The following PPP2R2B variants were observed in gnomAD, a reference collection of about 807,000 sequenced individuals.
PPP2R2B encodes the protein serine/threonine-protein phosphatase 2A 55 kDa regulatory subunit B beta isoform.
Under a neutral mutation model 46.0 loss-of-function variants are expected in PPP2R2B, and 5 were observed. The observed-to-expected ratio is 0.11, with a 90% CI of 0.06 to 0.23. PPP2R2B has a LOEUF of 0.23. Among genes scored for constraint, PPP2R2B ranks in the 10% least tolerant of loss-of-function variants. The pLI, the probability that PPP2R2B is intolerant of heterozygous loss-of-function variation, is 1.00. For missense variants in PPP2R2B, 367 were observed against 575.0 expected, an observed-to-expected ratio of 0.64 and a Z score of 3.70; for synonymous variants, 215 against 206.7, an observed-to-expected ratio of 1.04 and a Z score of -0.34.
At chr5:146,784,015 A>C (rs1390388509) in intron 2 of PPP2R2B, among the ~76,000 whole-genome samples, 1 of 152,174 alleles carries the variant, frequency 6.6e-6, no homozygotes, top group Non-Finnish European at 1.5e-5. Context: ...CACACAAAGG[A>C]AGCAGAAGCA....
intron 2 of PPP2R2B, among the ~76,000 whole-genome samples, chr5:146,853,297 C>T (rs1336698863): frequency 6.6e-6 from 1 of 152,048 alleles, no homozygotes; most frequent in Non-Finnish European, 1.5e-5. Flanking sequence ...GTGATTCATG[C>T]CCCAGTTTAA....
intron 7 of PPP2R2B, among the ~76,000 whole-genome samples, chr5:146,633,240 A>G (rs146045243): frequency 3.3e-5 from 5 of 152,366 alleles, no homozygotes; most frequent in African/African-American, 1.2e-4. Context: ...AGCTCTGATA[A>G]CACGGTTCTC....
chr5:146,957,710 T>C (rs1189037917), intron 1 of PPP2R2B, among the ~76,000 whole-genome samples: 1 of 152,200 alleles, frequency 6.6e-6, no homozygotes, highest in Non-Finnish European at 1.5e-5. Context: ...ATCATAGTTT[T>C]GTACATTTGT....
rs543800799 is a variant in PPP2R2B, at chr5:146,781,671, T to A, written c.71-80529A>T. On this transcript the variant is annotated intron_variant, in intron 2 of 9. Coordinates refer to ENST00000394411, the MANE Select transcript of PPP2R2B (RefSeq NM_181675.4). ...TATGTATTGCTTAATCAATACCAGT[T>A]AAAAAAATGAATTTTCCTGTAGCCC... Among the ~76,000 whole-genome samples, 541 of 152,026 alleles carry A rather than the reference T, an allele frequency of 3.6e-3. 8 individuals are homozygous for A. The highest frequency in any genetic ancestry group is 0.012 in the African/African-American group (483 of 41,498).
At chr5:146,780,790 TC>T (rs1372806835) in intron 2 of PPP2R2B, among the ~76,000 whole-genome samples, 13 of 152,160 alleles carry the variant, frequency 8.5e-5, no homozygotes, top group Admixed American at 2.6e-4. Flanking sequence ...TTCTTCAAGA[TC>T]TACTTCAAAC....
At chr5:146,807,772 C>T (rs1162884027) in intron 2 of PPP2R2B, among the ~76,000 whole-genome samples, 45 of 68,008 alleles carry the variant, frequency 6.6e-4, no homozygotes, top group Middle Eastern at 0.015. Flanking sequence ...TCCTGGGGTG[C>T]CTTCTTTTTT....
At chr5:146,969,229 C>A (rs962755841) in intron 1 of PPP2R2B, among the ~76,000 whole-genome samples, 2 of 152,106 alleles carry the variant, frequency 1.3e-5, no homozygotes, top group Admixed American at 1.3e-4. Flanking sequence ...AATCTGAGAC[C>A]TGAAGGAAAA....
intron 2 of PPP2R2B, among the ~76,000 whole-genome samples, chr5:146,871,205 C>A (rs1430874736): frequency 6.6e-6 from 1 of 152,206 alleles, no homozygotes; most frequent in Non-Finnish European, 1.5e-5. Flanking sequence ...GCTGGAGAGC[C>A]ACTCTGGCCA....
At chr5:147,018,845 A>C (rs889021630) in intron 1 of PPP2R2B, among the ~76,000 whole-genome samples, 1 of 152,164 alleles carries the variant, frequency 6.6e-6, no homozygotes, top group African/African-American at 2.4e-5. Context: ...TGTGGTAAAA[A>C]CATGTAAAGA....
chr5:146,907,834 G>A (rs750278116), intron 1 of PPP2R2B, among the ~76,000 whole-genome samples: 4 of 152,128 alleles, frequency 2.6e-5, no homozygotes, highest in Non-Finnish European at 4.4e-5. Flanking sequence ...TCAATCAAAT[G>A]GTGAGGTTCT....
At chr5:147,035,138 T>C (rs1414366314) in intron 1 of PPP2R2B, 1 of 455,550 alleles carries the variant, frequency 2.2e-6, no homozygotes, top group Non-Finnish European at 4.4e-6. Context: ...TGAGACTGGG[T>C]AAATTATAAA....
At chr5:146,592,577 C>T (rs554208598) in intron 9 of PPP2R2B, among the ~76,000 whole-genome samples, 4 of 152,198 alleles carry the variant, frequency 2.6e-5, no homozygotes, top group Admixed American at 6.5e-5. Flanking sequence ...GCCAGGTCTC[C>T]ACTAGCAGCT....
At position 146,878,346 on chromosome 5, in the gene PPP2R2B, T is replaced by A. The variant is rs1001153004; in HGVS notation, c.-124-151A>T. 3 of 1,435,550 alleles carry A rather than the reference T, an allele frequency of 2.1e-6. No homozygotes were observed. The highest frequency in any genetic ancestry group is 1.4e-5 in the African/African-American group (1 of 69,684). The allele number at this position is 1,435,550 out of a possible 1,614,324, so 88.9% of individuals were successfully genotyped here. On this transcript the variant is annotated intron_variant, in intron 1 of 9. Transcript: ENST00000394411. This position sits in a 1 kb window ranked among gnomAD's most constrained non-coding sequence, Gnocchi z 4.5. ...CAGTTCCCAGCGAGGATGCTGCGCC[T>A]GCCTCCGCTGCCTCCGGGTGCCAAG...
chr5:147,042,189 C>T (rs1325828075), intron 1 of PPP2R2B, among the ~76,000 whole-genome samples: 2 of 152,112 alleles, frequency 1.3e-5, no homozygotes, highest in Non-Finnish European at 2.9e-5. Flanking sequence ...TAACTTTTTG[C>T]CTACTTTACT....
At chr5:146,890,850 T>C (rs1762470865) in intron 1 of PPP2R2B, among the ~76,000 whole-genome samples, 1 of 152,078 alleles carries the variant, frequency 6.6e-6, no homozygotes, top group Admixed American at 6.5e-5. Flanking sequence ...CATAGATCCT[T>C]TTGAGAATTT....
At chr5:146,962,708 AAT>A (rs1752227879) in intron 1 of PPP2R2B, among the ~76,000 whole-genome samples, 2 of 152,270 alleles carry the variant, frequency 1.3e-5, no homozygotes, top group South Asian at 4.2e-4. Context: ...TTGATGACCC[AAT>A]CAGAGATACC....
chr5:146,785,393 C>A (rs1438423152), intron 2 of PPP2R2B, among the ~76,000 whole-genome samples: 2 of 151,922 alleles, frequency 1.3e-5, no homozygotes, highest in Non-Finnish European at 2.9e-5. Flanking sequence ...CAAAAAAATA[C>A]AAAAATTAGC....
At chr5:146,920,433 A>T (rs1379587800) in intron 1 of PPP2R2B, among the ~76,000 whole-genome samples, 1 of 152,246 alleles carries the variant, frequency 6.6e-6, no homozygotes, top group Non-Finnish European at 1.5e-5. Context: ...TTTAAAGCAC[A>T]GTAGGCATCT....
chr5:146,935,329 C>A (rs576345280), intron 1 of PPP2R2B, among the ~76,000 whole-genome samples: 3 of 152,284 alleles, frequency 2.0e-5, no homozygotes, highest in African/African-American at 7.2e-5. Context: ...AGGCCCTCAC[C>A]AGACTCCAAG....
Sources: gnomAD v4.1 joint callset for allele counts (sites outside exome capture counted in the v4.1 genomes callset) on GRCh38, gnomAD v4.1.1 for gene constraint, Gnocchi (gnomAD v3.1) non-coding constraint, MANE v1.5 for transcripts, NCBI Gene and HGNC (gene_info 2026-07-23, HGNC 2026-07-21) for gene names.